The following PTBP3 variants were observed in gnomAD, a reference collection of about 807,000 sequenced individuals.
PTBP3 encodes polypyrimidine tract binding protein 3, also known as polypyrimidine tract-binding protein 3.
PTBP3 carries 20 observed loss-of-function variants against 58.7 expected under a neutral mutation model. That is an observed-to-expected ratio of 0.34 (90% CI 0.24 to 0.50). PTBP3 has a LOEUF of 0.50. PTBP3 is among the 20% of genes least tolerant of loss of function. The probability of loss-of-function intolerance (pLI) is 0.98; values close to 1 mark genes in which losing one functional copy is unlikely to be tolerated. For missense variants in PTBP3, 509 were observed against 637.2 expected (o/e 0.80, Z 2.17); for synonymous variants, 185 against 219.8 (o/e 0.84, Z 1.40).
At chr9:112,267,239 C>T (rs1205030976) in intron 4 of PTBP3, among the ~76,000 whole-genome samples, 1 of 151,264 alleles carries the variant, frequency 6.6e-6, no homozygotes. Flanking sequence ...GGTCTCGGCT[C>T]ACCGCAAGCT....
chr9:112,301,926 G>A (rs1828951750), intron 1 of PTBP3, among the ~76,000 whole-genome samples: 1 of 152,100 alleles, frequency 6.6e-6, no homozygotes, highest in South Asian at 2.1e-4. Flanking sequence ...TAGGACAACA[G>A]GTACTTCATT....
intron 5 of PTBP3, among the ~76,000 whole-genome samples, chr9:112,254,907 T>G (rs1836282834): frequency 1.3e-5 from 2 of 152,302 alleles, no homozygotes; most frequent in African/African-American, 4.8e-5. Context: ...CTCAAAGAGA[T>G]ATGCATATAC....
At chr9:112,300,075 TAA>T (rs1300324765) in intron 1 of PTBP3, among the ~76,000 whole-genome samples, 1 of 152,136 alleles carries the variant, frequency 6.6e-6, no homozygotes, top group African/African-American at 2.4e-5. Context: ...ACTGTAAAAT[TAA>T]AAAGATGGAC....
chr9:112,231,429 C>T lies in PTBP3; in HGVS notation c.1021-16G>A. On this transcript the variant is annotated splice_polypyrimidine_tract_variant and intron_variant, in intron 9 of 13. Transcript: ENST00000374257. ...GTGTGATAAGCTGTAAAGGGTAACA[C>T]AAAGTTAAGTGTCTGACAATTTAAG... 1 of 1,572,346 alleles carries T rather than the reference C, an allele frequency of 6.4e-7. No individual in the cohort carries two copies. Among genetic ancestry groups the T allele is most frequent in the Non-Finnish European group, 8.6e-7 (1 of 1,157,106 alleles).
chr9:112,276,678 C>A (rs1827625141), intron 2 of PTBP3, among the ~76,000 whole-genome samples: 1 of 152,080 alleles, frequency 6.6e-6, no homozygotes, highest in African/African-American at 2.4e-5. Flanking sequence ...AACCCAACGA[C>A]CTGCTTTAAC....
intron 10 of PTBP3, among the ~76,000 whole-genome samples, chr9:112,229,827 G>T (rs953974845): frequency 2.0e-5 from 3 of 152,170 alleles, no homozygotes; most frequent in African/African-American, 7.2e-5. Context: ...CTCCCAAAGT[G>T]TTGGGATTAC....
the PTBP3 span, among the ~76,000 whole-genome samples, chr9:112,378,251 G>A: frequency 5.3e-5 from 8 of 152,260 alleles, no homozygotes; most frequent in Admixed American, 3.3e-4. Context: ...AAACTTGCTT[G>A]GTAAAACTAC....
intron 1 of PTBP3, among the ~76,000 whole-genome samples, chr9:112,311,211 A>G (rs994184477): frequency 6.6e-6 from 1 of 151,478 alleles, no homozygotes; most frequent in African/African-American, 2.4e-5. Flanking sequence ...TTTTTTTTTA[A>G]TATACGATTG....
At chr9:112,299,678 G>A (rs1364064574) in intron 1 of PTBP3, among the ~76,000 whole-genome samples, 2 of 152,178 alleles carry the variant, frequency 1.3e-5, no homozygotes, top group Non-Finnish European at 2.9e-5. Context: ...CCATGGCCAT[G>A]TGACTTGCAA....
At chr9:112,370,807 A>G in the PTBP3 span, among the ~76,000 whole-genome samples, 1 of 152,138 alleles carries the variant, frequency 6.6e-6, no homozygotes, top group Admixed American at 6.5e-5. Flanking sequence ...AGTTTCTTTC[A>G]GCAACGTTTT....
At chr9:112,273,414 A>G (rs556399773) in intron 3 of PTBP3, among the ~76,000 whole-genome samples, 1 of 152,352 alleles carries the variant, frequency 6.6e-6, no homozygotes, top group East Asian at 1.9e-4. Flanking sequence ...TTTTTAAATC[A>G]TCTTTCAACA....
chr9:112,282,692 C>T (rs144275825), intron 2 of PTBP3, among the ~76,000 whole-genome samples: 311 of 151,228 alleles, frequency 2.1e-3, no homozygotes, highest in Middle Eastern at 6.8e-3. Flanking sequence ...ATTTGAAGAT[C>T]TTGTTTTGAT....
the PTBP3 span, among the ~76,000 whole-genome samples, chr9:112,367,442 T>TTTTTG: frequency 2.0e-5 from 3 of 152,286 alleles, no homozygotes; most frequent in Admixed American, 2.0e-4. Flanking sequence ...GTTTTGGGTT[T>TTTTTG]TTTTGTTTTG....
chr9:112,221,055 T>C lies in PTBP3; in HGVS notation c.*2796A>G, dbSNP rs1309039907. ...CACAAATACTGTAGACCTCTATAAT[T>C]CAAACAGCAAATAGCTTAATATGGA... On this transcript the variant is annotated 3_prime_UTR_variant, in exon 14 of 14. Transcript: ENST00000374257. The C allele has an allele frequency of 1.0e-6, 1 of 982,936 alleles. No individual in the cohort carries two copies. Among genetic ancestry groups the C allele is most frequent in the African/African-American group, 1.7e-5 (1 of 57,160 alleles). The allele number at this position is 982,936 out of a possible 1,614,324, so 60.9% of individuals were successfully genotyped here. A position where few individuals can be genotyped will look rare whatever the true frequency, so the allele number is the denominator to read the frequency against.
chr9:112,284,131 C>A (rs1356782118), intron 2 of PTBP3, among the ~76,000 whole-genome samples: 3 of 148,970 alleles, frequency 2.0e-5, no homozygotes, highest in African/African-American at 7.5e-5. Context: ...TACATATAGT[C>A]CCTGCTGAGG....
At chr9:112,239,367 A>C (rs1835553710) in intron 7 of PTBP3, among the ~76,000 whole-genome samples, 1 of 152,204 alleles carries the variant, frequency 6.6e-6, no homozygotes, top group South Asian at 2.1e-4. Flanking sequence ...TGAGAGATTA[A>C]AAACAGAATA....
Position 112,262,347 on chromosome 9 carries a change from A to G in PTBP3, c.516+88T>C, listed in dbSNP as rs377643401. The G allele has an allele frequency of 1.2e-5, 13 of 1,116,358 alleles. No individual in the cohort carries two copies. In the African/African-American group the frequency reaches 1.5e-4, roughly 13 times the overall value. 69.2% of individuals were successfully genotyped at this position (1,116,358 alleles called of 1,614,324 possible). The stretch of plus-strand genomic sequence containing the variant: ...TTAAACAAATATATCAACAAAACCA[A>G]TAAGCTAAACAACTTAGATATAAAA... On this transcript the variant is annotated intron_variant, in intron 5 of 13. Coordinates refer to ENST00000374257, the MANE Select transcript of PTBP3 (RefSeq NM_001163788.4).
chr9:112,224,877 T>C (rs1834923428), intron 12 of PTBP3, among the ~76,000 whole-genome samples: 1 of 152,206 alleles, frequency 6.6e-6, no homozygotes, highest in Non-Finnish European at 1.5e-5. Flanking sequence ...GACAAGGAAC[T>C]GGGGCCTTCG....
At chr9:112,250,789 C>G (rs540931239) in intron 7 of PTBP3, 140 bp downstream of exon 7, 7 of 781,590 alleles carry the variant, frequency 9.0e-6, no homozygotes, top group African/African-American at 1.8e-5. Flanking sequence ...AATGGGTATA[C>G]TTTGTTCTAG....
Sources: gnomAD v4.1 joint callset for allele counts (sites outside exome capture counted in the v4.1 genomes callset) on GRCh38, gnomAD v4.1.1 for gene constraint, MANE v1.5 for transcripts, NCBI Gene and HGNC (gene_info 2026-07-23, HGNC 2026-07-21) for gene names.